The following GABBR2 variants were observed in gnomAD, a reference collection of about 807,000 sequenced individuals.
The protein encoded by GABBR2 is G-protein coupled receptor 51.
In GABBR2, 23 loss-of-function variants were observed where a neutral mutation model predicts 105.6. That is an observed-to-expected ratio of 0.22 (90% CI 0.16 to 0.31). The LOEUF is 0.31. Ranked by LOEUF, GABBR2 falls within the 10% of genes least tolerant of loss-of-function variation. The probability of loss-of-function intolerance (pLI) is 1.00; values close to 1 mark genes in which losing one functional copy is unlikely to be tolerated. For missense variants in GABBR2, 734 were observed against 1,245.5 expected (o/e 0.59, Z 6.18); for synonymous variants, 478 against 499.7 (o/e 0.96, Z 0.58).
At chr9:98,362,913 T>C in intron 12 of GABBR2, 76 bp from the exon 13 acceptor site, 2 of 1,323,468 alleles carry the variant, frequency 1.5e-6, no homozygotes, top group South Asian at 1.9e-5. Context: ...GCCCAGGTCA[T>C]AGGGGGAACC....
intron 8 of GABBR2, among the ~76,000 whole-genome samples, chr9:98,397,801 C>A (rs1220067376): frequency 6.6e-6 from 1 of 152,176 alleles, no homozygotes; most frequent in Non-Finnish European, 1.5e-5. Flanking sequence ...TGCATGACAG[C>A]TCTTCACGTA....
intron 13 of GABBR2, among the ~76,000 whole-genome samples, chr9:98,323,735 CTG>C (rs745372246): frequency 2.6e-5 from 4 of 152,228 alleles, no homozygotes; most frequent in African/African-American, 4.8e-5. Context: ...CGTGCAGAGG[CTG>C]TGTCTCTCAT....
chr9:98,537,956 AC>A (rs1828213803), intron 3 of GABBR2, among the ~76,000 whole-genome samples: 1 of 151,798 alleles, frequency 6.6e-6, no homozygotes, highest in African/African-American at 2.4e-5. Flanking sequence ...CTCACCACTC[AC>A]CCCCAGGCTG....
intron 3 of GABBR2, among the ~76,000 whole-genome samples, chr9:98,502,630 T>G (rs926321998): frequency 6.6e-6 from 1 of 152,186 alleles, no homozygotes; most frequent in Non-Finnish European, 1.5e-5. Context: ...CTGGCTCCTA[T>G]GAATCCCCCC....
At chr9:98,448,424 T>C (rs531854325) in intron 7 of GABBR2, among the ~76,000 whole-genome samples, 1 of 152,250 alleles carries the variant, frequency 6.6e-6, no homozygotes, top group South Asian at 2.1e-4. Context: ...TGAGAGTCTA[T>C]TAATTTATTT....
chr9:98,609,949 T>C (rs1829481517), intron 1 of GABBR2, among the ~76,000 whole-genome samples: 1 of 152,192 alleles, frequency 6.6e-6, no homozygotes, highest in African/African-American at 2.4e-5. Flanking sequence ...AGAGGGGCCA[T>C]GGCCAAGATC....
chr9:98,395,223 G>A (rs1832265189), intron 8 of GABBR2, among the ~76,000 whole-genome samples: 1 of 152,124 alleles, frequency 6.6e-6, no homozygotes, highest in Non-Finnish European at 1.5e-5. Flanking sequence ...TGAAGAAGAG[G>A]GGGACCAAGG....
rs561929854 is a variant in GABBR2 at position 98,290,219 on chromosome 9, C to G, written c.*365G>C. 218 of 160,986 alleles carry G rather than the reference C, an allele frequency of 1.4e-3. No homozygotes were observed. The highest frequency in any genetic ancestry group is 2.0e-3 in the Non-Finnish European group (154 of 75,474). 10.0% of individuals were successfully genotyped at this position (160,986 alleles called of 1,614,324 possible). A position where few individuals can be genotyped will look rare whatever the true frequency, so the allele number is the denominator to read the frequency against. ...CTTCCCAAGGCTGCTCGAGCCACTC[C>G]GTGACTTCCAGCTGGAGTTCTAGTG... On this transcript the variant is annotated 3_prime_UTR_variant, in exon 19 of 19. Transcript: ENST00000259455.
chr9:98,692,187 T>C (rs1830689868), intron 1 of GABBR2, among the ~76,000 whole-genome samples: 1 of 152,144 alleles, frequency 6.6e-6, no homozygotes, highest in Non-Finnish European at 1.5e-5. Flanking sequence ...CATTGTCCTG[T>C]GAGCTCCCTA....
intron 13 of GABBR2, among the ~76,000 whole-genome samples, chr9:98,313,148 C>T (rs1297067954): frequency 6.6e-6 from 1 of 152,228 alleles, no homozygotes; most frequent in Non-Finnish European, 1.5e-5. Context: ...AAAACAACTT[C>T]ATGCTGCCTT....
At chr9:98,560,420 T>TACACATACACACACACACACATAC (rs1828652730) in intron 2 of GABBR2, among the ~76,000 whole-genome samples, 1 of 97,788 alleles carries the variant, frequency 1.0e-5, no homozygotes, top group Non-Finnish European at 2.6e-5. Context: ...CACACACATA[T>TACACATACACACACACACACATAC]ACACATACAC....
chr9:98,462,533 A>G (rs1325643720), intron 6 of GABBR2, among the ~76,000 whole-genome samples: 3 of 152,248 alleles, frequency 2.0e-5, no homozygotes, highest in South Asian at 2.1e-4. Flanking sequence ...AAAATGGCCA[A>G]TGAAGATATG....
At chr9:98,540,674 T>A (rs1169946490) in intron 3 of GABBR2, among the ~76,000 whole-genome samples, 1 of 152,196 alleles carries the variant, frequency 6.6e-6, no homozygotes, top group Non-Finnish European at 1.5e-5. Context: ...GACCCCTGAC[T>A]CACACATGGA....
intron 11 of GABBR2, among the ~76,000 whole-genome samples, chr9:98,376,638 C>CGATA (rs1173749219): frequency 1.1e-4 from 17 of 152,096 alleles, no homozygotes; most frequent in Non-Finnish European, 2.5e-4. Context: ...AGGGCAAGGG[C>CGATA]GACAGATAAA....
At chr9:98,699,244 T>C (rs1222295796) in intron 1 of GABBR2, among the ~76,000 whole-genome samples, 5 of 152,178 alleles carry the variant, frequency 3.3e-5, no homozygotes, top group African/African-American at 1.2e-4. Flanking sequence ...ATTTATTTCC[T>C]AGGTTTTGAT....
chr9:98,483,301 G>T (rs958659160), intron 4 of GABBR2, among the ~76,000 whole-genome samples: 2 of 152,086 alleles, frequency 1.3e-5, no homozygotes, highest in African/African-American at 4.8e-5. Flanking sequence ...CCACTGCCCT[G>T]AGTTTGGTTA....
intron 6 of GABBR2, among the ~76,000 whole-genome samples, chr9:98,457,079 G>A (rs1431314017): frequency 6.6e-6 from 1 of 152,210 alleles, no homozygotes; most frequent in African/African-American, 2.4e-5. Flanking sequence ...CATTTTAAAA[G>A]GATTTAAACA....
rs1322760984 is a variant in GABBR2 at position 98,570,466 on chromosome 9, T to C, written c.459+7469A>G. The stretch of plus-strand genomic sequence containing the variant: ...TTCTGTCTGCAAGCTGAAGCTGCGA[T>C]AATCTCACTCCCAAGCAGGAAGGAG... On this transcript the variant is annotated intron_variant, in intron 2 of 18. Coordinates refer to ENST00000259455, the MANE Select transcript of GABBR2 (RefSeq NM_005458.8). 2.6e-5 allele frequency among the ~76,000 whole-genome samples: 4 copies of C among 152,208 alleles called. No homozygotes were observed. In the East Asian group the frequency reaches 7.7e-4, roughly 29 times the overall value.
intron 10 of GABBR2, among the ~76,000 whole-genome samples, chr9:98,386,387 C>T (rs1273638362): frequency 6.6e-6 from 1 of 152,124 alleles, no homozygotes; most frequent in African/African-American, 2.4e-5. Flanking sequence ...CTTAGGAAAG[C>T]TCACACTGTT....
Sources: allele counts gnomAD v4.1 joint callset (sites outside exome capture counted in the v4.1 genomes callset), GRCh38; gene constraint gnomAD v4.1.1; transcripts MANE v1.5; gene names NCBI Gene and HGNC (gene_info 2026-07-23, HGNC 2026-07-21).